Variants in KIF2C observed in about 807,000 individuals in gnomAD.
The protein encoded by KIF2C is kinesin family member 2C.
Under a neutral mutation model 97.4 loss-of-function variants are expected in KIF2C, and 34 were observed. The ratio of observed to expected loss-of-function variants is 0.35; its 90% confidence interval spans 0.27 to 0.46. The LOEUF (loss-of-function observed/expected upper bound fraction) is 0.46. Ranked by LOEUF, KIF2C falls within the 20% of genes least tolerant of loss-of-function variation. KIF2C has a pLI of 1.00. For synonymous variants in KIF2C, 313 were observed against 318.2 expected, an observed-to-expected ratio of 0.98 and a Z score of 0.17; for missense variants, 750 against 907.6, an observed-to-expected ratio of 0.83 and a Z score of 2.23.
chr1:44,762,107 G>A, intron 17 of KIF2C, 124 bp downstream of exon 17: 1 of 948,136 alleles, frequency 1.1e-6, no homozygotes, highest in Non-Finnish European at 1.7e-6. Context: ...CTCTGAACCT[G>A]AGGCTTGGGA....
intron 13 of KIF2C, among the ~76,000 whole-genome samples, chr1:44,758,798 T>C (rs1469437931): frequency 2.0e-5 from 3 of 151,962 alleles, no homozygotes; most frequent in African/African-American, 7.2e-5. Flanking sequence ...ATCGCTTGAA[T>C]CCAGGAGGCA....
Position 44,761,979 on chromosome 1 carries a change from G to C in KIF2C, c.1747G>C (p.Asp583His). The C allele has an allele frequency of 6.2e-7, 1 of 1,613,816 alleles. No individual in the cohort carries two copies. Among genetic ancestry groups the C allele is most frequent in the Non-Finnish European group, 8.5e-7 (1 of 1,179,700 alleles). Residue 583 changes from aspartate (D) to histidine (H), a missense_variant, in exon 17 of 21, where the codon GAC (aspartate) becomes CAC (histidine). Physicochemically the swap from Asp to His is moderately conservative, Grantham distance 81. Coordinates refer to ENST00000372224, the MANE Select transcript of KIF2C (RefSeq NM_006845.4). ...EYTLNTLRYA[D>H]RVKELSPHSG... ...TACTTTAAACACCCTGAGATATGCA[G>C]ACAGGTACTAGTACCTACAGCTAGG... is the stretch of plus-strand genomic sequence containing the variant.
At chr1:44,750,099 A>G (rs1006263007) in intron 4 of KIF2C, among the ~76,000 whole-genome samples, 1 of 148,460 alleles carries the variant, frequency 6.7e-6, no homozygotes, top group African/African-American at 2.5e-5. Context: ...AAAAAAAAAA[A>G]GATTCATAAT....
intron 5 of KIF2C, among the ~76,000 whole-genome samples, chr1:44,751,003 G>A (rs866866713): frequency 1.2e-4 from 19 of 152,250 alleles, no homozygotes; most frequent in Middle Eastern, 3.4e-3. Flanking sequence ...AGTACACAGA[G>A]CATTGAGTAT....
chr1:44,767,169 G>T lies in KIF2C; in HGVS notation c.2168G>T (p.Arg723Leu). The change falls in exon 21 of 21, where the codon CGG becomes CTG. Residue 723 changes from arginine to leucine, a missense_variant. Coordinates refer to ENST00000372224, the MANE Select transcript of KIF2C (RefSeq NM_006845.4). Reference sequence around the variant, plus strand: ...AGCAGACAAATAAGCAGCAAGAAACGGCCCCAGTGACGACTGCAAATAAAA... The same window carrying T: ...AGCAGACAAATAAGCAGCAAGAAACTGCCCCAGTGACGACTGCAAATAAAA... ...QASRQISSKK[R>L]PQ 1 of 1,614,022 alleles carries T rather than the reference G, an allele frequency of 6.2e-7. No individual in the cohort carries two copies. Among genetic ancestry groups the T allele is most frequent in the Non-Finnish European group, 8.5e-7 (1 of 1,179,936 alleles).
intron 3 of KIF2C, 37 bp from the exon 4 acceptor site, chr1:44,747,615 A>C: frequency 6.2e-7 from 1 of 1,608,676 alleles, no homozygotes; most frequent in Non-Finnish European, 8.5e-7. Flanking sequence ...AGAATTGATA[A>C]GAGCCATATA....
At chr1:44,747,612 A>G in intron 3 of KIF2C, 40 bp from the exon 4 acceptor site, 2 of 1,605,712 alleles carry the variant, frequency 1.2e-6, no homozygotes, top group Non-Finnish European at 1.7e-6. Context: ...TTGAGAATTG[A>G]TAAGAGCCAT....
chr1:44,751,037 CAG>C (rs376384360), intron 5 of KIF2C, among the ~76,000 whole-genome samples: 21 of 152,176 alleles, frequency 1.4e-4, no homozygotes, highest in African/African-American at 4.6e-4. Flanking sequence ...TTTTCATAAA[CAG>C]AACACACTCA....
chr1:44,765,747 C>A (rs1159887768), intron 19 of KIF2C, among the ~76,000 whole-genome samples: 3 of 151,334 alleles, frequency 2.0e-5, no homozygotes, highest in Non-Finnish European at 4.4e-5. Context: ...AGTTGTATAC[C>A]TATTATTTAA....
Position 44,767,652 on chromosome 1 carries a change from CT to C in KIF2C, c.*476del. On this transcript the variant is annotated 3_prime_UTR_variant, in exon 21 of 21. Transcript: ENST00000372224. The stretch of plus-strand genomic sequence containing the variant: ...AAAATGTTTCTGAGACCTCTTTCTA[CT>C]TTACTGTCTCCCTAGAGATCCTAGA... 6.1e-6 allele frequency: 1 copy of C among 162,656 alleles called. No homozygotes were observed. Among genetic ancestry groups the C allele is most frequent in the Non-Finnish European group, 1.4e-5 (1 of 73,454 alleles). 10.1% of individuals were successfully genotyped at this position (162,656 alleles called of 1,614,324 possible). A position where few individuals can be genotyped will look rare whatever the true frequency, so the allele number is the denominator to read the frequency against.
chr1:44,751,180 GTATTT>G (rs879473420), intron 5 of KIF2C, among the ~76,000 whole-genome samples: 51 of 143,238 alleles, frequency 3.6e-4, no homozygotes, highest in Admixed American at 3.4e-3. Context: ...TTTTCTTTCT[GTATTT>G]TATTATTTAT....
At chr1:44,757,144 T>G (rs985970863) in intron 10 of KIF2C, among the ~76,000 whole-genome samples, 1 of 152,060 alleles carries the variant, frequency 6.6e-6, no homozygotes, top group African/African-American at 2.4e-5. Flanking sequence ...CTCAAACTCC[T>G]GAGTTCAGGT....
intron 19 of KIF2C, among the ~76,000 whole-genome samples, chr1:44,764,179 A>G (rs764370471): frequency 6.6e-6 from 1 of 151,912 alleles, no homozygotes; most frequent in African/African-American, 2.4e-5. Flanking sequence ...CTCTCTCTCT[A>G]TATATATATG....
At chr1:44,753,617 G>GCGGA in intron 6 of KIF2C, 116 bp from the exon 7 acceptor site, 2 of 657,352 alleles carry the variant, frequency 3.0e-6, no homozygotes, top group Non-Finnish European at 5.2e-6. Flanking sequence ...ATCTAGAGAA[G>GCGGA]GCCTCTCCCT....
intron 19 of KIF2C, among the ~76,000 whole-genome samples, chr1:44,765,705 C>T (rs996358122): frequency 1.3e-5 from 2 of 152,076 alleles, no homozygotes; most frequent in Non-Finnish European, 2.9e-5. Context: ...TGTGGTGGCG[C>T]GTACCTGTAG....
At chr1:44,752,803 T>C (rs985128232) in intron 5 of KIF2C, among the ~76,000 whole-genome samples, 2 of 152,202 alleles carry the variant, frequency 1.3e-5, no homozygotes, top group Non-Finnish European at 2.9e-5. Flanking sequence ...GCCTGGCTTT[T>C]CTCCCTAAGA....
rs193213401 is a variant in KIF2C at position 44,764,755 on chromosome 1, C to T, written c.1972-2071C>T. ...AACTCCCTACCTCAGGTGATCCTCC[C>T]GCCCCGACCTCCCAAAGTGCTGGGA... is the stretch of plus-strand genomic sequence containing the variant. On this transcript the variant is annotated intron_variant, in intron 19 of 20. Coordinates refer to ENST00000372224, the MANE Select transcript of KIF2C (RefSeq NM_006845.4). Among the ~76,000 whole-genome samples the T allele has an allele frequency of 1.4e-3, 206 of 149,354 alleles. 1 individual carries two copies. The highest frequency in any genetic ancestry group is 2.7e-3 in the Non-Finnish European group (181 of 67,154).
chr1:44,741,239 A>G (rs1309715353), intron 2 of KIF2C, among the ~76,000 whole-genome samples: 3 of 152,038 alleles, frequency 2.0e-5, no homozygotes, highest in African/African-American at 7.2e-5. Flanking sequence ...AAAATTAGCC[A>G]GTCGTGGTAG....
At chr1:44,759,531 A>C (rs1231959982) in intron 14 of KIF2C, among the ~76,000 whole-genome samples, 183 bp downstream of exon 14, 1 of 152,186 alleles carries the variant, frequency 6.6e-6, no homozygotes, top group Admixed American at 6.5e-5. Flanking sequence ...GGCTTATCAG[A>C]ACCAAGTCAG....
Sources: gnomAD v4.1 joint callset for allele counts (sites outside exome capture counted in the v4.1 genomes callset) on GRCh38, gnomAD v4.1.1 for gene constraint, MANE v1.5 for transcripts, NCBI Gene and HGNC (gene_info 2026-07-23, HGNC 2026-07-21) for gene names.